SLF2: variants seen among roughly 807,000 people sequenced by gnomAD.
SLF2 encodes the protein SMC5-SMC6 complex localization factor protein 2.
Under a neutral mutation model 124.3 loss-of-function variants are expected in SLF2, and 68 were observed. The observed-to-expected ratio is 0.55, with a 90% CI of 0.45 to 0.67. The LOEUF is 0.67. Among genes scored for constraint, SLF2 ranks in the 30% least tolerant of loss-of-function variants. The pLI is 0.00. For synonymous variants in SLF2, 480 were observed against 478.8 expected, an observed-to-expected ratio of 1.00 and a Z score of -0.03; for missense variants, 1,246 against 1,373.7, an observed-to-expected ratio of 0.91 and a Z score of 1.47.
chr10:100,948,229 A>C (rs1850141960), intron 15 of SLF2, among the ~76,000 whole-genome samples: 1 of 152,250 alleles, frequency 6.6e-6, no homozygotes, highest in Non-Finnish European at 1.5e-5. Context: ...TTGCATCTTT[A>C]ACCTGTTTTA....
chr10:100,960,486 T>C (rs986398891), intron 19 of SLF2, among the ~76,000 whole-genome samples: 2 of 152,240 alleles, frequency 1.3e-5, no homozygotes, highest in Non-Finnish European at 2.9e-5. Context: ...ATTGTGGTTT[T>C]AGTTTGCATT....
At chr10:100,944,904 C>A (rs187299152) in intron 12 of SLF2, among the ~76,000 whole-genome samples, 1 of 152,238 alleles carries the variant, frequency 6.6e-6, no homozygotes, top group East Asian at 1.9e-4. Flanking sequence ...GTGGCAGGTG[C>A]CTGTTATCCC....
chr10:100,930,805 A>G (rs916169191), intron 8 of SLF2, among the ~76,000 whole-genome samples, 171 bp from the exon 9 acceptor site: 2 of 152,214 alleles, frequency 1.3e-5, no homozygotes, highest in South Asian at 2.1e-4. Flanking sequence ...TAGGCCATCA[A>G]TTAAATTTAT....
intron 1 of SLF2, 51 bp downstream of exon 1, chr10:100,913,301 G>C: frequency 6.9e-7 from 1 of 1,456,396 alleles, no homozygotes; most frequent in South Asian, 1.4e-5. Context: ...GCAAGGGTAT[G>C]AGGGGAGGGC....
intron 12 of SLF2, 150 bp downstream of exon 12, chr10:100,944,278 A>G (rs564061135): frequency 1.4e-4 from 71 of 492,056 alleles, no homozygotes; most frequent in East Asian, 3.3e-4. Context: ...GGCAGATCAC[A>G]AGGTCAGGAG....
Position 100,957,330 on chromosome 10 carries a change from A to ATT in SLF2, c.3417+829_3417+830dup, listed in dbSNP as rs71013477. Among the ~76,000 whole-genome samples the ATT allele has an allele frequency of 3.2e-4, 29 of 91,862 alleles. 5 individuals carry two copies. In the East Asian group the frequency reaches 7.9e-3, roughly 25 times the overall value. 60.3% of individuals were successfully genotyped at this position (91,862 alleles called of 152,430 possible). ...AATATGTTAAAGGAAGGAGTCTTCA[A>ATT]TTTTTTTTTTTTTTTTTTTTTTTTT... On this transcript the variant is annotated intron_variant, in intron 18 of 19. Transcript: ENST00000238961.
chr10:100,914,121 C>A (rs919623842), intron 1 of SLF2, among the ~76,000 whole-genome samples: 2 of 152,206 alleles, frequency 1.3e-5, no homozygotes, highest in African/African-American at 4.8e-5. Flanking sequence ...TGTGAATATT[C>A]ATGTTTTGCT....
chr10:100,936,424 C>T (rs951009453), intron 9 of SLF2, among the ~76,000 whole-genome samples: 17 of 152,094 alleles, frequency 1.1e-4, no homozygotes, highest in Non-Finnish European at 2.1e-4. Context: ...AGCTCTGCCT[C>T]CCGGGTTCAC....
intron 15 of SLF2, among the ~76,000 whole-genome samples, chr10:100,948,073 A>G (rs1203451858): frequency 6.6e-6 from 1 of 152,270 alleles, no homozygotes; most frequent in African/African-American, 2.4e-5. Flanking sequence ...GTGGACAATC[A>G]GATGTGAATT....
At chr10:100,932,074 G>A (rs1370746997) in intron 9 of SLF2, among the ~76,000 whole-genome samples, 1 of 151,978 alleles carries the variant, frequency 6.6e-6, no homozygotes, top group East Asian at 1.9e-4. Context: ...AAGTACTATA[G>A]TAACTACTCA....
chr10:100,916,051 A>G lies in SLF2; in HGVS notation c.184+9A>G. On this transcript the variant is annotated intron_variant, in intron 2 of 19. Transcript: ENST00000238961. ...ACCAGCTTCAAAACAAGGTATGTACACTGTTGATGCATTTTTTGTGGGCTA... is the reference window on the plus strand; with the variant it reads ...ACCAGCTTCAAAACAAGGTATGTACGCTGTTGATGCATTTTTTGTGGGCTA... 2 of 1,606,092 alleles carry G rather than the reference A, an allele frequency of 1.2e-6. No individual in the cohort carries two copies. Among genetic ancestry groups the G allele is most frequent in the Non-Finnish European group, 1.7e-6 (2 of 1,174,856 alleles).
intron 13 of SLF2, among the ~76,000 whole-genome samples, chr10:100,946,587 A>G (rs1457573714): frequency 6.6e-6 from 1 of 152,032 alleles, no homozygotes; most frequent in African/African-American, 2.4e-5. Context: ...TCGGCCTCCC[A>G]AAGTGCTGGG....
chr10:100,926,391 C>T (rs1427130373), intron 6 of SLF2: 3 of 1,045,816 alleles, frequency 2.9e-6, no homozygotes, highest in Admixed American at 6.7e-5. Flanking sequence ...ATCTCTTGAG[C>T]CCAGGAGTTT....
intron 12 of SLF2, 125 bp from the exon 13 acceptor site, chr10:100,945,205 C>G: frequency 1.4e-6 from 1 of 712,614 alleles, no homozygotes; most frequent in Non-Finnish European, 2.2e-6. Context: ...TTTCTCTAGA[C>G]ATCGGATGTT....
At chr10:100,936,176 T>A (rs927910637) in intron 9 of SLF2, among the ~76,000 whole-genome samples, 1 of 151,968 alleles carries the variant, frequency 6.6e-6, no homozygotes, top group Non-Finnish European at 1.5e-5. Context: ...GTAAAAGTTT[T>A]AACCAAATTA....
rs1850478848 is a variant in SLF2, at chr10:100,964,649, G to C, written c.*2737G>C. 6.6e-6 allele frequency: 1 copy of C among 152,604 alleles called. No homozygotes were observed. The highest frequency in any genetic ancestry group is 1.5e-5 in the Non-Finnish European group (1 of 68,050). The allele number at this position is 152,604 out of a possible 1,614,324, so 9.5% of individuals were successfully genotyped here. A position where few individuals can be genotyped will look rare whatever the true frequency, so the allele number is the denominator to read the frequency against. On this transcript the variant is annotated 3_prime_UTR_variant, in exon 20 of 20. Transcript: ENST00000238961. ...CCTCAAATGTAAAAGATACAAAATG[G>C]CGTGTTATCATCCAGGCTTAGTTGG... is the stretch of plus-strand genomic sequence containing the variant.
intron 11 of SLF2, among the ~76,000 whole-genome samples, chr10:100,941,737 G>A (rs978386268): frequency 6.6e-6 from 1 of 152,118 alleles, no homozygotes; most frequent in East Asian, 1.9e-4. Context: ...TTTGCTGTGT[G>A]CCAGACTCTG....
chr10:100,961,152 G>A (rs1320235825), intron 19 of SLF2, among the ~76,000 whole-genome samples: 3 of 151,658 alleles, frequency 2.0e-5, no homozygotes, highest in Non-Finnish European at 4.4e-5. Context: ...TGGGATTACA[G>A]GCGCCTGCCA....
At chr10:100,952,785 A>G (rs1434699021) in intron 17 of SLF2, among the ~76,000 whole-genome samples, 2 of 151,274 alleles carry the variant, frequency 1.3e-5, no homozygotes, top group Non-Finnish European at 2.9e-5. Context: ...CTAAAAATAC[A>G]AAAATTAGCC....
Sources: gnomAD v4.1 joint callset for allele counts (sites outside exome capture counted in the v4.1 genomes callset) on GRCh38, gnomAD v4.1.1 for gene constraint, MANE v1.5 for transcripts, NCBI Gene and HGNC (gene_info 2026-07-23, HGNC 2026-07-21) for gene names.